CUL4A: variants seen among roughly 807,000 people sequenced by gnomAD.
The protein encoded by CUL4A is cullin 4A, also known as cullin-4A.
CUL4A carries 16 observed loss-of-function variants against 95.5 expected under a neutral mutation model. The observed-to-expected ratio is 0.17, with a 90% CI of 0.11 to 0.25. The LOEUF is 0.25. CUL4A is among the 10% of genes least tolerant of loss of function. The probability of loss-of-function intolerance (pLI) is 1.00; values close to 1 mark genes in which losing one functional copy is unlikely to be tolerated. For synonymous variants in CUL4A, 380 were observed against 353.1 expected (o/e 1.08, Z -0.85); for missense variants, 610 against 937.0 (o/e 0.65, Z 4.56).
chr13:113,211,624 A>G lies in CUL4A; in HGVS notation c.264+1536A>G, dbSNP rs552275933. On this transcript the variant is annotated intron_variant, in intron 2 of 19. Coordinates refer to ENST00000375440, the MANE Select transcript of CUL4A (RefSeq NM_001008895.4). Reference sequence around the variant, plus strand: ...GGTCTCAAACTCCTGACCTCAGGTGATCCACCCACCTCGGTCTCTCAAAGT... The same window carrying G: ...GGTCTCAAACTCCTGACCTCAGGTGGTCCACCCACCTCGGTCTCTCAAAGT... Among the ~76,000 whole-genome samples the G allele has an allele frequency of 2.6e-5, 4 of 152,312 alleles. No homozygotes were observed. In the East Asian group the frequency reaches 7.7e-4, roughly 29 times the overall value.
intron 15 of CUL4A, among the ~76,000 whole-genome samples, chr13:113,250,982 G>T (rs1358718546): frequency 6.6e-6 from 1 of 152,088 alleles, no homozygotes; most frequent in Non-Finnish European, 1.5e-5. Flanking sequence ...AGGTCAGCAG[G>T]AATTTCTGAC....
At chr13:113,238,393 A>G (rs2139212238) in intron 9 of CUL4A, among the ~76,000 whole-genome samples, 1 of 152,074 alleles carries the variant, frequency 6.6e-6, no homozygotes, top group East Asian at 1.9e-4. Flanking sequence ...TAAGGCTACA[A>G]AACTACAAAA....
intron 4 of CUL4A, among the ~76,000 whole-genome samples, chr13:113,228,662 A>G (rs1427019413): frequency 6.6e-6 from 1 of 152,028 alleles, no homozygotes; most frequent in Non-Finnish European, 1.5e-5. Flanking sequence ...GCTCGATGGT[A>G]GGAGCACAGG....
At chr13:113,258,289 C>T (rs912684296) in intron 18 of CUL4A, among the ~76,000 whole-genome samples, 16 of 152,200 alleles carry the variant, frequency 1.1e-4, no homozygotes, top group East Asian at 5.8e-4. Context: ...CCGTGCCCGG[C>T]ACCAGGTTCT....
chr13:113,215,228 C>T (rs1026801767), intron 2 of CUL4A, among the ~76,000 whole-genome samples: 13 of 141,468 alleles, frequency 9.2e-5, no homozygotes, highest in Admixed American at 2.2e-4. Context: ...GGTCACATCC[C>T]GTGTGGCTGT....
chr13:113,256,913 C>CTTTTTTTTTTCTTTTTTTTTT (rs1566372467), intron 18 of CUL4A, among the ~76,000 whole-genome samples: 2 of 77,886 alleles, frequency 2.6e-5, no homozygotes, highest in Admixed American at 1.5e-4. Flanking sequence ...TGCTTTGTCC[C>CTTTTTTTTTTCTTTTTTTTTT]TTTTTTTTTT....
chr13:113,256,226 C>T (rs1272092768), intron 18 of CUL4A, among the ~76,000 whole-genome samples: 1 of 152,162 alleles, frequency 6.6e-6, no homozygotes, highest in Non-Finnish European at 1.5e-5. Context: ...AGCCAGTTTT[C>T]GTTGCTGATC....
intron 2 of CUL4A, among the ~76,000 whole-genome samples, chr13:113,213,411 T>G (rs1032848111): frequency 6.6e-6 from 1 of 152,190 alleles, no homozygotes; most frequent in South Asian, 2.1e-4. Context: ...AACTGTTGCT[T>G]CGTATATTTT....
intron 5 of CUL4A, 136 bp downstream of exon 5, chr13:113,229,655 C>T (rs576367051): frequency 2.0e-4 from 140 of 713,534 alleles, no homozygotes; most frequent in Middle Eastern, 1.2e-3. Context: ...AAATCATTAA[C>T]GTGAACGTAG....
chr13:113,210,651 T>G (rs2040382021), intron 2 of CUL4A, among the ~76,000 whole-genome samples: 1 of 152,244 alleles, frequency 6.6e-6, no homozygotes, highest in South Asian at 2.1e-4. Flanking sequence ...AAGTACATTT[T>G]ACCATACTTG....
chr13:113,241,642 T>C (rs2139225833), intron 10 of CUL4A, among the ~76,000 whole-genome samples: 1 of 151,518 alleles, frequency 6.6e-6, no homozygotes, highest in East Asian at 2.0e-4. Context: ...GCCTCCTGAG[T>C]AGCTGGGATT....
intron 2 of CUL4A, among the ~76,000 whole-genome samples, chr13:113,217,272 G>A (rs184370426): frequency 2.6e-5 from 4 of 152,300 alleles, no homozygotes. Flanking sequence ...TGTTTGAGGA[G>A]ACAAAAGGAT....
intron 2 of CUL4A, among the ~76,000 whole-genome samples, chr13:113,211,638 GTC>G (rs1416795533): frequency 6.6e-6 from 1 of 152,202 alleles, no homozygotes; most frequent in Admixed American, 6.5e-5. Flanking sequence ...ACCCACCTCG[GTC>G]TCTCAAAGTG....
chr13:113,217,415 A>T (rs189984910), intron 2 of CUL4A, among the ~76,000 whole-genome samples: 1 of 152,198 alleles, frequency 6.6e-6, no homozygotes, highest in Non-Finnish European at 1.5e-5. Flanking sequence ...ATGTAGGGGG[A>T]AAGTTTGTAT....
intron 9 of CUL4A, among the ~76,000 whole-genome samples, chr13:113,238,355 G>T (rs1259475743): frequency 6.6e-6 from 1 of 152,066 alleles, no homozygotes; most frequent in East Asian, 1.9e-4. Flanking sequence ...GGAGGGTGAG[G>T]TGGGAGGATC....
chr13:113,213,650 A>G (rs1367988387), intron 2 of CUL4A, among the ~76,000 whole-genome samples: 1 of 152,232 alleles, frequency 6.6e-6, no homozygotes, highest in East Asian at 1.9e-4. Flanking sequence ...CCTTGTACAC[A>G]GTGATATGTC....
intron 18 of CUL4A, among the ~76,000 whole-genome samples, chr13:113,256,041 G>A (rs188373231): frequency 4.0e-5 from 6 of 151,850 alleles, no homozygotes; most frequent in East Asian, 1.9e-4. Flanking sequence ...TTTTTTTTTA[G>A]TGGGATCACT....
At chr13:113,210,379 A>G (rs1185897864) in intron 2 of CUL4A, among the ~76,000 whole-genome samples, 1 of 152,274 alleles carries the variant, frequency 6.6e-6, no homozygotes, top group Non-Finnish European at 1.5e-5. Flanking sequence ...TTGCAAGTAT[A>G]CGGCAAATTA....
chr13:113,258,460 T>C (rs571747034), intron 18 of CUL4A, among the ~76,000 whole-genome samples: 4 of 152,388 alleles, frequency 2.6e-5, no homozygotes, highest in Admixed American at 2.6e-4. Flanking sequence ...TTGTGATTCA[T>C]ACATATGTGT....
Sources: allele counts gnomAD v4.1 joint callset (sites outside exome capture counted in the v4.1 genomes callset), GRCh38; gene constraint gnomAD v4.1.1; transcripts MANE v1.5; gene names NCBI Gene and HGNC (gene_info 2026-07-23, HGNC 2026-07-21).